PKHD1: variants seen among roughly 807,000 people sequenced by gnomAD.
PKHD1 encodes PKHD1 ciliary IPT domain containing fibrocystin/polyductin.
A neutral mutation model predicts 412.0 loss-of-function variants in PKHD1; 291 were observed. The observed-to-expected ratio is 0.71, with a 90% CI of 0.64 to 0.78. The LOEUF is 0.78. Among genes scored for constraint, PKHD1 ranks in the 30% least tolerant of loss-of-function variants. The pLI, the probability that PKHD1 is intolerant of heterozygous loss-of-function variation, is 0.00. For missense variants in PKHD1, 4,825 were observed against 4,950.7 expected, an observed-to-expected ratio of 0.97 and a Z score of 0.76; for synonymous variants, 1,777 against 1,821.5, an observed-to-expected ratio of 0.98 and a Z score of 0.62.
Position 52,055,618 on chromosome 6 carries a change from T to C in PKHD1, c.1805A>G (p.Gln602Arg). Residue 602 changes from glutamine (Q) to arginine (R), a missense_variant, in exon 19 of 67, where the codon CAG becomes CGG. Coordinates refer to ENST00000371117, the MANE Select transcript of PKHD1 (RefSeq NM_138694.4). ...RHLVLTPPAA[Q>R]KGYRLDQYTH... ...ATACTGATCTAGCCGATAGCCCTTC[T>C]GGGCAGCCGGGGGAGTAAGGACAAG... 1 of 1,613,984 alleles carries C rather than the reference T, an allele frequency of 6.2e-7. No homozygotes were observed.
At chr6:51,981,203 T>A (rs1241755136) in intron 35 of PKHD1, among the ~76,000 whole-genome samples, 1 of 147,872 alleles carries the variant, frequency 6.8e-6, no homozygotes, top group Non-Finnish European at 1.5e-5. Flanking sequence ...ACACTCTACC[T>A]CTACTCCGAT....
chr6:51,679,276 A>T (rs999766307), intron 60 of PKHD1, among the ~76,000 whole-genome samples: 1 of 152,086 alleles, frequency 6.6e-6, no homozygotes, highest in Admixed American at 6.6e-5. Flanking sequence ...GACAGCAAAC[A>T]TCATAACAGT....
At chr6:51,666,540 T>A (rs188411906) in intron 60 of PKHD1, among the ~76,000 whole-genome samples, 1 of 150,320 alleles carries the variant, frequency 6.7e-6, no homozygotes, top group African/African-American at 2.5e-5. Context: ...CAAATGTTTA[T>A]AATTTTTTTT....
chr6:51,872,212 CTG>C (rs61284059), intron 46 of PKHD1, among the ~76,000 whole-genome samples: 8,087 of 152,070 alleles, frequency 0.053, 453 homozygotes, highest in African/African-American at 0.13. Context: ...TTGAAGAATA[CTG>C]TGCAGAAGGA....
chr6:51,833,275 C>T (rs989448157), intron 51 of PKHD1, among the ~76,000 whole-genome samples: 1 of 152,122 alleles, frequency 6.6e-6, no homozygotes, highest in Non-Finnish European at 1.5e-5. Context: ...TTTACTCTTG[C>T]TTATAAGAGG....
intron 33 of PKHD1, among the ~76,000 whole-genome samples, chr6:52,018,600 G>T (rs1484553068): frequency 2.6e-5 from 4 of 152,000 alleles, no homozygotes; most frequent in African/African-American, 9.7e-5. Flanking sequence ...TGCAACTTCC[G>T]CCTCCCGGGT....
intron 55 of PKHD1, among the ~76,000 whole-genome samples, chr6:51,770,481 A>G (rs3061733): frequency 5.8e-5 from 4 of 69,266 alleles, no homozygotes; most frequent in East Asian, 1.9e-3. Flanking sequence ...AAAAGTTATA[A>G]TTATATTTTG....
intron 36 of PKHD1, among the ~76,000 whole-genome samples, chr6:51,940,180 T>C (rs1007308758): frequency 5.3e-5 from 8 of 151,668 alleles, no homozygotes; most frequent in Non-Finnish European, 1.0e-4. Context: ...ATTCTCAATA[T>C]ACATTTTATT....
chr6:51,696,719 C>T (rs1778842221), intron 60 of PKHD1, among the ~76,000 whole-genome samples: 1 of 152,078 alleles, frequency 6.6e-6, no homozygotes, highest in African/African-American at 2.4e-5. Flanking sequence ...GAATGTGGCC[C>T]TAGAGAACTG....
At chr6:51,753,419 G>T in intron 56 of PKHD1, 66 bp from the exon 57 acceptor site, 1 of 1,329,672 alleles carries the variant, frequency 7.5e-7, no homozygotes, top group Non-Finnish European at 1.1e-6. Flanking sequence ...ACTAGCTGGG[G>T]ACCCAGCAAA....
In PKHD1 at chr6:52,066,125, G is replaced by C. The variant is rs772199395; in HGVS notation, c.779-48C>G. 53 of 825,210 alleles carry C rather than the reference G, an allele frequency of 6.4e-5. 1 individual carries two copies. The Admixed American group carries it at 9.5e-4, about 15-fold the overall frequency. 51.1% of individuals were successfully genotyped at this position (825,210 alleles called of 1,614,324 possible). A position where few individuals can be genotyped will look rare whatever the true frequency, so the allele number is the denominator to read the frequency against. Reference sequence around the variant, plus strand: ...AAAGTAAGCTTCCAAATATAGACCAGAATATGACCTAGATAATAATATAAT... The same window carrying C: ...AAAGTAAGCTTCCAAATATAGACCACAATATGACCTAGATAATAATATAAT... On this transcript the variant is annotated intron_variant, in intron 11 of 66. Transcript: ENST00000371117.
intron 52 of PKHD1, among the ~76,000 whole-genome samples, chr6:51,811,805 A>T (rs1323943201): frequency 1.5e-4 from 23 of 152,312 alleles, no homozygotes; most frequent in Admixed American, 1.4e-3. Flanking sequence ...CACATATTTA[A>T]AAAAATGTAA....
chr6:51,645,504 TG>T (rs1769977185), intron 63 of PKHD1, among the ~76,000 whole-genome samples: 1 of 152,196 alleles, frequency 6.6e-6, no homozygotes, highest in Admixed American at 6.5e-5. Context: ...GTGATTCTCG[TG>T]CCTCCGCTTC....
At chr6:52,007,852 T>C (rs1799288792) in intron 35 of PKHD1, among the ~76,000 whole-genome samples, 1 of 152,232 alleles carries the variant, frequency 6.6e-6, no homozygotes. Flanking sequence ...TCCACCATAT[T>C]GATCCAGTCG....
At chr6:51,654,400 G>C (rs533336881) in intron 61 of PKHD1, among the ~76,000 whole-genome samples, 1 of 152,062 alleles carries the variant, frequency 6.6e-6, no homozygotes, top group Admixed American at 6.6e-5. Context: ...GATTCTTATA[G>C]GGACCATATG....
chr6:51,956,305 C>CGTGT (rs3062566), intron 36 of PKHD1, among the ~76,000 whole-genome samples: 190 of 150,326 alleles, frequency 1.3e-3, no homozygotes, highest in Non-Finnish European at 2.0e-3. Context: ...CTTATACATA[C>CGTGT]GTGTGTGTGT....
intron 59 of PKHD1, among the ~76,000 whole-genome samples, chr6:51,745,695 C>A (rs992903191): frequency 6.6e-6 from 1 of 152,056 alleles, no homozygotes; most frequent in African/African-American, 2.4e-5. Flanking sequence ...CACAGTGAGA[C>A]CCCATCTCCA....
At chr6:51,776,068 A>G in intron 53 of PKHD1, 147 bp from the exon 54 acceptor site, 1 of 591,672 alleles carries the variant, frequency 1.7e-6, no homozygotes, top group Non-Finnish European at 3.0e-6. Context: ...ATGAAATAAG[A>G]GTAGGATAAA....
rs564558777 is a variant in PKHD1 at position 51,660,065 on chromosome 6, T to C, written c.10157-96A>G. ...ACTCTTGCCATCATCTATAACTGGA[T>C]AAAATATTTATTAAACATCTAATTG... On this transcript the variant is annotated intron_variant, in intron 60 of 66. Coordinates refer to ENST00000371117, the MANE Select transcript of PKHD1 (RefSeq NM_138694.4). 17 of 770,910 alleles carry C rather than the reference T, an allele frequency of 2.2e-5. No individual in the cohort carries two copies. In the East Asian group the frequency reaches 4.3e-4, roughly 19 times the overall value. The allele number at this position is 770,910 out of a possible 1,614,324, so 47.8% of individuals were successfully genotyped here. A position where few individuals can be genotyped will look rare whatever the true frequency, so the allele number is the denominator to read the frequency against.
Sources: allele counts gnomAD v4.1 joint callset (sites outside exome capture counted in the v4.1 genomes callset), GRCh38; gene constraint gnomAD v4.1.1; transcripts MANE v1.5; gene names NCBI Gene and HGNC (gene_info 2026-07-23, HGNC 2026-07-21).